Variants in SLC7A6OS observed in about 807,000 individuals in gnomAD.
SLC7A6OS encodes solute carrier family 7 member 6 opposite strand, also known as probable RNA polymerase II nuclear localization protein SLC7A6OS.
Under a neutral mutation model 34.3 loss-of-function variants are expected in SLC7A6OS, and 22 were observed. The observed-to-expected ratio is 0.64, with a 90% confidence interval of 0.46 to 0.92. The LOEUF (loss-of-function observed/expected upper bound fraction) is 0.92. Ranked by LOEUF, SLC7A6OS falls within the 40% of genes least tolerant of loss-of-function variation. The pLI is 0.00. For missense variants in SLC7A6OS, 434 were observed against 407.7 expected (o/e 1.06, Z -0.56); for synonymous variants, 199 against 165.0 (o/e 1.21, Z -1.58).
intron 3 of SLC7A6OS, 55 bp from the exon 4 acceptor site, chr16:68,302,556 TG>T (rs1319550535): frequency 6.2e-7 from 1 of 1,610,892 alleles, no homozygotes; most frequent in East Asian, 2.2e-5. Flanking sequence ...GGTTATGCTC[TG>T]GGGGAAGTTG....
At chr16:68,307,875 AG>A (rs1369872266) in intron 2 of SLC7A6OS, among the ~76,000 whole-genome samples, 14 of 152,256 alleles carry the variant, frequency 9.2e-5, no homozygotes, top group African/African-American at 3.1e-4. Flanking sequence ...TTTATCTCCT[AG>A]TTTTCTTTAT....
chr16:68,303,538 G>A (rs2043303193), intron 3 of SLC7A6OS, among the ~76,000 whole-genome samples: 1 of 151,330 alleles, frequency 6.6e-6, no homozygotes, highest in South Asian at 2.1e-4. Context: ...AGCTCAGATA[G>A]CACCACTGCA....
Position 68,310,738 on chromosome 16 carries a change from G to A in SLC7A6OS, c.189C>T (p.Ser63=), listed in dbSNP as rs780892473. Residue 63 remains serine, a synonymous_variant, in exon 1 of 5, where the codon TCC becomes TCT. Transcript: ENST00000263997. Reference sequence around the variant, plus strand: ...CCAGCTGCACCACGCCCAATACCTGGGAGCACACAGTGGCCACCAAGTGGA... The same window carrying A: ...CCAGCTGCACCACGCCCAATACCTGAGAGCACACAGTGGCCACCAAGTGGA... ...NVFHLVATVC[S]QEEPVQPLLR... 3 of 1,605,598 alleles carry A rather than the reference G, an allele frequency of 1.9e-6. No homozygotes were observed. The highest frequency in any genetic ancestry group is 1.7e-6 in the Non-Finnish European group (2 of 1,174,072).
At chr16:68,305,640 A>G (rs1448755114) in intron 2 of SLC7A6OS, among the ~76,000 whole-genome samples, 1 of 152,232 alleles carries the variant, frequency 6.6e-6, no homozygotes, top group Non-Finnish European at 1.5e-5. Flanking sequence ...TCCTTGCTCC[A>G]AAGTCAAAAA....
At chr16:68,304,970 G>A (rs138396740) in intron 2 of SLC7A6OS, among the ~76,000 whole-genome samples, 70 of 152,228 alleles carry the variant, frequency 4.6e-4, no homozygotes, top group Non-Finnish European at 8.4e-4. Context: ...GCAGTGAGCC[G>A]TGATCATGCC....
intron 2 of SLC7A6OS, among the ~76,000 whole-genome samples, chr16:68,307,220 T>A (rs1189939903): frequency 2.0e-5 from 3 of 152,218 alleles, no homozygotes; most frequent in Admixed American, 2.0e-4. Context: ...TTGTGAGGAT[T>A]AAATGAGTTA....
chr16:68,308,568 G>A (rs1036847222), intron 2 of SLC7A6OS, among the ~76,000 whole-genome samples: 3 of 151,886 alleles, frequency 2.0e-5, no homozygotes, highest in African/African-American at 4.8e-5. Context: ...CAGAGGCTGC[G>A]GTGAGCCGAG....
At chr16:68,304,291 G>T in intron 2 of SLC7A6OS, 59 bp from the exon 3 acceptor site, 1 of 1,492,592 alleles carries the variant, frequency 6.7e-7, no homozygotes, top group Non-Finnish European at 9.3e-7. Context: ...TGTTCCAAGA[G>T]GAGGAACCTA....
chr16:68,301,004 A>G lies in SLC7A6OS; in HGVS notation c.*271T>C. 9.1e-7 allele frequency: 1 copy of G among 1,094,380 alleles called. No individual in the cohort carries two copies. Among genetic ancestry groups the G allele is most frequent in the Non-Finnish European group, 1.1e-6 (1 of 901,044 alleles). 67.8% of individuals were successfully genotyped at this position (1,094,380 alleles called of 1,614,324 possible). A position where few individuals can be genotyped will look rare whatever the true frequency, so the allele number is the denominator to read the frequency against. ...ATTCCTGGGCCAAGAAGCTAAAGCT[A>G]AAGAAACCTTCCTTTTTTCAACGTT... On this transcript the variant is annotated 3_prime_UTR_variant, in exon 5 of 5. Transcript: ENST00000263997.
In SLC7A6OS at chr16:68,304,179, T is replaced by A. The variant is rs2043309279; in HGVS notation, c.525A>T (p.Arg175=). 1.2e-6 allele frequency: 2 copies of A among 1,614,066 alleles called. No individual in the cohort carries two copies. The highest frequency in any genetic ancestry group is 2.2e-5 in the South Asian group (2 of 91,088). ...CTGGTCCATCCTCAGACACAGTCAA[T>A]CGCTCACGGATCAACTCTACAGAAT... ...LCNSVELIRE[R]LTVSEDGPGV... The change falls in exon 3 of 5, where the codon CGA becomes CGT. Residue 175 remains arginine, a synonymous_variant. Transcript: ENST00000263997.
At chr16:68,307,644 T>G (rs1178024041) in intron 2 of SLC7A6OS, among the ~76,000 whole-genome samples, 1 of 152,230 alleles carries the variant, frequency 6.6e-6, no homozygotes, top group Non-Finnish European at 1.5e-5. Flanking sequence ...CCAAAAGGCT[T>G]GCATCAATTT....
chr16:68,305,802 G>C (rs1177375374), intron 2 of SLC7A6OS, among the ~76,000 whole-genome samples: 1 of 152,204 alleles, frequency 6.6e-6, no homozygotes, highest in African/African-American at 2.4e-5. Flanking sequence ...GCTCATGCCT[G>C]TAATCACAGC....
chr16:68,308,197 C>T (rs766331016), intron 2 of SLC7A6OS, among the ~76,000 whole-genome samples: 12 of 151,848 alleles, frequency 7.9e-5, no homozygotes, highest in African/African-American at 1.7e-4. Flanking sequence ...CCACTGTGCC[C>T]GGCCTAGTGA....
Position 68,301,240 on chromosome 16 carries a change from GCATGTGGCAGAACCTCATGGA to G in SLC7A6OS, c.*14_*34del. The G allele has an allele frequency of 6.2e-7, 1 of 1,604,242 alleles. No homozygotes were observed. The highest frequency in any genetic ancestry group is 8.5e-7 in the Non-Finnish European group (1 of 1,173,858). ...AACTCTGGACTCAGAGCCCTCAAGG[GCATGTGGCAGAACCTCATGGA>G]CATCACAAGACCATCAGTCTGAATC... is the stretch of plus-strand genomic sequence containing the variant. On this transcript the variant is annotated 3_prime_UTR_variant, in exon 5 of 5. Coordinates refer to ENST00000263997, the MANE Select transcript of SLC7A6OS (RefSeq NM_032178.3).
chr16:68,310,620 G>C lies in SLC7A6OS; in HGVS notation c.193-7C>G, dbSNP rs758688388. 1.9e-6 allele frequency: 3 copies of C among 1,592,752 alleles called. No homozygotes were observed. The South Asian group carries it at 3.3e-5, about 18-fold the overall frequency. The stretch of plus-strand genomic sequence containing the variant: ...GAGGCTGGACTGGTTCCTCCTAGGG[G>C]GCAACAGGGGACGGAGGCCAGCGTA... On this transcript the variant is annotated splice_polypyrimidine_tract_variant and splice_region_variant and intron_variant, in intron 1 of 4. Coordinates refer to ENST00000263997, the MANE Select transcript of SLC7A6OS (RefSeq NM_032178.3).
Position 68,300,154 on chromosome 16 carries a change from G to A in SLC7A6OS, c.*1121C>T, listed in dbSNP as rs1291892753. 6.6e-6 allele frequency: 1 copy of A among 152,182 alleles called. No individual in the cohort carries two copies. Among genetic ancestry groups the A allele is most frequent in the African/African-American group, 2.4e-5 (1 of 41,440 alleles). 9.4% of individuals were successfully genotyped at this position (152,182 alleles called of 1,614,324 possible). On this transcript the variant is annotated 3_prime_UTR_variant, in exon 5 of 5. Coordinates refer to ENST00000263997, the MANE Select transcript of SLC7A6OS (RefSeq NM_032178.3). ...GTCCGCTGCAACAGCTACTAGCCAC[G>A]TGTAGCTAATTACATTAAAATGAAA...
At position 68,301,290 on chromosome 16, in the gene SLC7A6OS, G is replaced by A. The variant is rs758594873; in HGVS notation, c.915C>T (p.Asp305=). Residue 305 remains aspartate (D), a synonymous_variant, in exon 5 of 5, where the codon GAC becomes GAT. Transcript: ENST00000263997. ...QKEFGYDSPH[D]LDSD ...CACAAGACCATCAGTCTGAATCCAG[G>A]TCGTGGGGGCTGTCATAGCCGAACT... The A allele has an allele frequency of 5.6e-6, 9 of 1,613,964 alleles. No homozygotes were observed. The African/African-American group carries it at 8.0e-5, about 14-fold the overall frequency.
In SLC7A6OS at chr16:68,310,631, A is replaced by G; in HGVS notation, c.193-18T>C. 5.7e-6 allele frequency: 9 copies of G among 1,587,552 alleles called. No individual in the cohort carries two copies. Among genetic ancestry groups the G allele is most frequent in the Non-Finnish European group, 7.7e-6 (9 of 1,163,516 alleles). On this transcript the variant is annotated intron_variant, in intron 1 of 4. Coordinates refer to ENST00000263997, the MANE Select transcript of SLC7A6OS (RefSeq NM_032178.3). ...GGTTCCTCCTAGGGGGCAACAGGGG[A>G]CGGAGGCCAGCGTAAGCAGGAGTTC...
At position 68,310,446 on chromosome 16, in the gene SLC7A6OS, C is replaced by T. The variant is rs568401171; in HGVS notation, c.360G>A (p.Glu120=). ...RSLGTTSSGQ[E]SEYTPGNPEA... ...CTGGGTTCCCCGGCGTGTACTCGGA[C>T]TCCTGGCCGCTCGAGGTGGTCCCCA... Residue 120 remains glutamate, a synonymous_variant, in exon 2 of 5, where the codon GAG becomes GAA. Transcript: ENST00000263997. The T allele has an allele frequency of 2.3e-5, 37 of 1,603,534 alleles. 1 individual carries two copies. In the South Asian group the frequency reaches 4.1e-4, roughly 18 times the overall value.
Sources: gnomAD v4.1 joint callset for allele counts (sites outside exome capture counted in the v4.1 genomes callset) on GRCh38, gnomAD v4.1.1 for gene constraint, MANE v1.5 for transcripts, NCBI Gene and HGNC (gene_info 2026-07-23, HGNC 2026-07-21) for gene names.